Variants in MYPN observed in about 807,000 individuals in gnomAD.
MYPN encodes the protein myopalladin.
In MYPN, 63 loss-of-function variants were observed where a neutral mutation model predicts 129.4. That is an observed-to-expected ratio of 0.49 (90% CI 0.40 to 0.60). The LOEUF (loss-of-function observed/expected upper bound fraction) is 0.60, where lower values mean the gene tolerates loss of function less well. Among genes scored for constraint, MYPN ranks in the 20% least tolerant of loss-of-function variants. The probability of loss-of-function intolerance (pLI) is 0.00; values close to 1 mark genes in which losing one functional copy is unlikely to be tolerated. For synonymous variants in MYPN, 629 were observed against 600.9 expected (o/e 1.05, Z -0.68); for missense variants, 1,596 against 1,635.4 (o/e 0.98, Z 0.42).
At chr10:68,151,114 A>G (rs2042762807) in intron 6 of MYPN, among the ~76,000 whole-genome samples, 1 of 152,190 alleles carries the variant, frequency 6.6e-6, no homozygotes, top group African/African-American at 2.4e-5. Flanking sequence ...AAATGTCAAC[A>G]GTGTTGAAGC....
intron 1 of MYPN, among the ~76,000 whole-genome samples, chr10:68,117,772 T>C (rs7092490): frequency 0.49 from 74,082 of 150,894 alleles, 19,329 homozygotes; most frequent in African/African-American, 0.67. Flanking sequence ...TACATGGCCA[T>C]AGCTGTTAAA....
chr10:68,122,739 T>TA (rs1157610959), intron 2 of MYPN, among the ~76,000 whole-genome samples: 5 of 151,824 alleles, frequency 3.3e-5, no homozygotes, highest in African/African-American at 1.2e-4. Context: ...CCATCTCTAC[T>TA]AAAAACACAA....
intron 2 of MYPN, among the ~76,000 whole-genome samples, chr10:68,139,608 G>A (rs2042542617): frequency 6.6e-6 from 1 of 152,208 alleles, no homozygotes; most frequent in African/African-American, 2.4e-5. Flanking sequence ...GGATTTGTTT[G>A]TACAAGCTCC....
In MYPN at chr10:68,211,981, A is replaced by T. The variant is rs935597566; in HGVS notation, c.*1526A>T. 17 of 358,570 alleles carry T rather than the reference A, an allele frequency of 4.7e-5. No individual in the cohort carries two copies. Among genetic ancestry groups the T allele is most frequent in the Non-Finnish European group, 9.3e-5 (17 of 182,592 alleles). 22.2% of individuals were successfully genotyped at this position (358,570 alleles called of 1,614,324 possible). A position where few individuals can be genotyped will look rare whatever the true frequency, so the allele number is the denominator to read the frequency against. On this transcript the variant is annotated 3_prime_UTR_variant, in exon 20 of 20. Transcript: ENST00000358913. ...AAACTGTCTTCACTTCAAGGCAAGGATTTCCAGCATAAAAATAAATTCATT... is the reference window on the plus strand; with the variant it reads ...AAACTGTCTTCACTTCAAGGCAAGGTTTTCCAGCATAAAAATAAATTCATT...
chr10:68,195,554 C>T (rs2043591057), intron 15 of MYPN, 22 bp downstream of exon 15: 2 of 1,594,922 alleles, frequency 1.3e-6, no homozygotes, highest in Admixed American at 3.3e-5. Context: ...AAGAATTCCC[C>T]CTCTCTAGGC....
chr10:68,173,028 G>T (rs755517306), intron 10 of MYPN, among the ~76,000 whole-genome samples: 1 of 152,028 alleles, frequency 6.6e-6, no homozygotes, highest in South Asian at 2.1e-4. Flanking sequence ...AGCCAAGATC[G>T]CACTACTGCA....
intron 2 of MYPN, among the ~76,000 whole-genome samples, chr10:68,125,229 C>T (rs2042307201): frequency 6.6e-6 from 1 of 152,134 alleles, no homozygotes; most frequent in Non-Finnish European, 1.5e-5. Flanking sequence ...ATTTGCAAAT[C>T]TTCAAATTTA....
chr10:68,175,579 G>A (rs2043215668), intron 12 of MYPN, 118 bp downstream of exon 12: 11 of 1,139,736 alleles, frequency 9.7e-6, no homozygotes, highest in African/African-American at 1.5e-5. Flanking sequence ...CAGCTCAGAT[G>A]GTAGAGCACA....
chr10:68,108,226 T>G (rs2042035845), upstream of MYPN, among the ~76,000 whole-genome samples: 1 of 152,218 alleles, frequency 6.6e-6, no homozygotes, highest in South Asian at 2.1e-4. Flanking sequence ...TATTTAAAAG[T>G]GTTCTTCATC....
intron 1 of MYPN, 139 bp downstream of exon 1, chr10:68,109,862 G>A (rs1051878267): frequency 1.7e-5 from 6 of 348,360 alleles, no homozygotes; most frequent in Non-Finnish European, 2.8e-5. Context: ...GACGGGACAC[G>A]AAATTAAGTG....
chr10:68,157,902 AAAC>A (rs1397884596), intron 6 of MYPN, among the ~76,000 whole-genome samples: 6 of 151,886 alleles, frequency 4.0e-5, no homozygotes, highest in South Asian at 2.1e-4. Flanking sequence ...ACCCAAACCA[AAAC>A]AACAACAAAA....
chr10:68,122,200 T>C lies in MYPN; in HGVS notation c.762T>C (p.Ser254=). Residue 254 remains serine (S), a synonymous_variant, in exon 2 of 20, where the codon TCT becomes TCC. Transcript: ENST00000358913. ...EAAGGDTTPG[S]SPSSLYYEEP... is the part of the protein sequence containing the mutation. ...CTGGTGGAGACACTACACCAGGGTC[T>C]TCCCCTTCATCTCTGTACTATGAAG... 6.2e-7 allele frequency: 1 copy of C among 1,609,166 alleles called. No homozygotes were observed. The highest frequency in any genetic ancestry group is 8.5e-7 in the Non-Finnish European group (1 of 1,177,446).
In MYPN at chr10:68,109,527, C is replaced by T. The variant is rs1278493510; in HGVS notation, c.-198C>T. On this transcript the variant is annotated 5_prime_UTR_variant, in exon 1 of 20. Coordinates refer to ENST00000358913, the MANE Select transcript of MYPN (RefSeq NM_032578.4). ...TCTGGCTCCGGTGGTGACAGGTTGT[C>T]CAGCTTCTTACAGCCATCTTCACTG... 2.2e-6 allele frequency: 1 copy of T among 453,914 alleles called. No individual in the cohort carries two copies. The highest frequency in any genetic ancestry group is 4.4e-6 in the Non-Finnish European group (1 of 226,776). The allele number at this position is 453,914 out of a possible 1,614,324, so 28.1% of individuals were successfully genotyped here. A position where few individuals can be genotyped will look rare whatever the true frequency, so the allele number is the denominator to read the frequency against.
At chr10:68,197,539 C>T (rs2043630498) in intron 16 of MYPN, 61 bp downstream of exon 16, 1 of 1,588,110 alleles carries the variant, frequency 6.3e-7, no homozygotes. Context: ...TGTTTGCATT[C>T]ATTTTTATTT....
At chr10:68,157,416 G>A (rs1051947214) in intron 6 of MYPN, among the ~76,000 whole-genome samples, 1 of 152,096 alleles carries the variant, frequency 6.6e-6, no homozygotes, top group Non-Finnish European at 1.5e-5. Context: ...CACATTATGA[G>A]CAGCCACATT....
intron 14 of MYPN, among the ~76,000 whole-genome samples, chr10:68,195,174 AAAGTT>A (rs1353885141): frequency 6.6e-6 from 1 of 152,242 alleles, no homozygotes; most frequent in Non-Finnish European, 1.5e-5. Flanking sequence ...GACTGAAAAT[AAAGTT>A]AAGTACATAA....
At chr10:68,205,891 T>A (rs555995861) in intron 18 of MYPN, among the ~76,000 whole-genome samples, 1 of 152,368 alleles carries the variant, frequency 6.6e-6, no homozygotes, top group South Asian at 2.1e-4. Flanking sequence ...GATATTTTAT[T>A]ACTTTATTCT....
In MYPN at chr10:68,199,251, A is replaced by G. The variant is rs184674890; in HGVS notation, c.3286-117A>G. 3.6e-3 allele frequency: 3,596 copies of G among 990,942 alleles called. 12 individuals carry two copies. Among genetic ancestry groups the G allele is most frequent in the Non-Finnish European group, 4.8e-3 (3,068 of 637,560 alleles). 61.4% of individuals were successfully genotyped at this position (990,942 alleles called of 1,614,324 possible). On this transcript the variant is annotated intron_variant, in intron 16 of 19. Coordinates refer to ENST00000358913, the MANE Select transcript of MYPN (RefSeq NM_032578.4). The stretch of plus-strand genomic sequence containing the variant: ...CGATGCCCCTACAGAGAGGTTTCTC[A>G]TCACTCCATGTTTTCTCTCACTGTC...
chr10:68,138,350 C>T (rs899260195), intron 2 of MYPN, among the ~76,000 whole-genome samples: 3 of 151,810 alleles, frequency 2.0e-5, no homozygotes, highest in African/African-American at 7.3e-5. Flanking sequence ...GATCCACCCG[C>T]CTCAGCCTCC....
Sources: gnomAD v4.1 joint callset for allele counts (sites outside exome capture counted in the v4.1 genomes callset) on GRCh38, gnomAD v4.1.1 for gene constraint, MANE v1.5 for transcripts, NCBI Gene and HGNC (gene_info 2026-07-23, HGNC 2026-07-21) for gene names.